The following NR2F1-AS1 variants were observed in gnomAD, a reference collection of about 807,000 sequenced individuals.
NR2F1-AS1 encodes NR2F1 regulatory antisense RNA 1.
chr5:93,486,179 G>T, intron 4 of NR2F1-AS1, among the ~76,000 whole-genome samples: 1 of 145,222 alleles, frequency 6.9e-6, no homozygotes. Context: ...CGAGTTAGTG[G>T]GTGCAGCGCA....
At chr5:93,474,752 T>C (rs1208264046) in intron 4 of NR2F1-AS1, among the ~76,000 whole-genome samples, 1 of 152,182 alleles carries the variant, frequency 6.6e-6, no homozygotes, top group African/African-American at 2.4e-5. Context: ...AATTACCTGC[T>C]AAAGGCCAAG....
chr5:93,513,525 T>C (rs550699582), intron 4 of NR2F1-AS1, among the ~76,000 whole-genome samples: 1 of 151,970 alleles, frequency 6.6e-6, no homozygotes, highest in Non-Finnish European at 1.5e-5. Flanking sequence ...AACATGGAGG[T>C]CATTATCCCA....
intron 1 of NR2F1-AS1, among the ~76,000 whole-genome samples, chr5:93,576,738 G>C (rs541345310): frequency 7.2e-5 from 11 of 152,204 alleles, no homozygotes; most frequent in Non-Finnish European, 1.6e-4. Context: ...ACTTCTGATG[G>C]GCTAATCCTG....
chr5:93,575,395 A>T (rs1195713931), intron 1 of NR2F1-AS1, among the ~76,000 whole-genome samples: 1 of 152,242 alleles, frequency 6.6e-6, no homozygotes, highest in Non-Finnish European at 1.5e-5. Flanking sequence ...TCCTAAGATA[A>T]TTCCTATTTC....
At chr5:93,569,191 A>T (rs190281357) in intron 1 of NR2F1-AS1, among the ~76,000 whole-genome samples, 81 of 152,316 alleles carry the variant, frequency 5.3e-4, no homozygotes, top group Admixed American at 2.7e-3. Flanking sequence ...TCTGGACCCT[A>T]AAATTTCCCA....
chr5:93,421,364 G>GT (rs1247644938), intron 4 of NR2F1-AS1, among the ~76,000 whole-genome samples: 1 of 145,146 alleles, frequency 6.9e-6, no homozygotes, highest in African/African-American at 2.6e-5. Flanking sequence ...ATTCTTTTGA[G>GT]TTAAAAAAAA....
intron 4 of NR2F1-AS1, among the ~76,000 whole-genome samples, chr5:93,471,939 C>T (rs1334044981): frequency 1.1e-4 from 17 of 151,664 alleles, no homozygotes; most frequent in Non-Finnish European, 1.8e-4. Context: ...ACAACAAAAC[C>T]GCTTGAAAAA....
chr5:93,532,326 T>C (rs1561486520), intron 4 of NR2F1-AS1, among the ~76,000 whole-genome samples: 1 of 152,206 alleles, frequency 6.6e-6, no homozygotes, highest in Non-Finnish European at 1.5e-5. Context: ...ATATATATTA[T>C]TTTGTTGCTT....
chr5:93,442,798 G>A (rs1028006052), intron 4 of NR2F1-AS1, among the ~76,000 whole-genome samples: 1 of 152,196 alleles, frequency 6.6e-6, no homozygotes, highest in East Asian at 1.9e-4. Context: ...CCCAGTAGGG[G>A]CCGACTGACA....
intron 2 of NR2F1-AS1, among the ~76,000 whole-genome samples, chr5:93,561,318 C>T (rs1315586248): frequency 6.6e-6 from 1 of 151,892 alleles, no homozygotes; most frequent in Admixed American, 6.6e-5. Context: ...ATATCAACAA[C>T]CCACTTCTCC....
chr5:93,426,170 C>T (rs1749191362), intron 4 of NR2F1-AS1, among the ~76,000 whole-genome samples: 1 of 151,476 alleles, frequency 6.6e-6, no homozygotes. Flanking sequence ...GCCTCAGCCT[C>T]CTGAGTAGCT....
intron 4 of NR2F1-AS1, among the ~76,000 whole-genome samples, chr5:93,544,505 C>A (rs1305865824): frequency 1.3e-5 from 2 of 152,124 alleles, no homozygotes; most frequent in Non-Finnish European, 2.9e-5. Flanking sequence ...TTTGAGTCCC[C>A]AGGCAGCATA....
chr5:93,466,915 G>GA (rs1271817758), intron 4 of NR2F1-AS1, among the ~76,000 whole-genome samples: 1 of 127,588 alleles, frequency 7.8e-6, no homozygotes, highest in Non-Finnish European at 1.7e-5. Flanking sequence ...GGGGGGGGGG[G>GA]GGGTGGACGG....
intron 4 of NR2F1-AS1, among the ~76,000 whole-genome samples, chr5:93,445,786 A>G (rs1321531070): frequency 6.6e-6 from 1 of 152,188 alleles, no homozygotes; most frequent in Non-Finnish European, 1.5e-5. Context: ...ATGAACATCA[A>G]TGCAAAAATC....
chr5:93,539,467 C>T (rs80018422), intron 4 of NR2F1-AS1, among the ~76,000 whole-genome samples: 2 of 152,006 alleles, frequency 1.3e-5, no homozygotes, highest in African/African-American at 4.8e-5. Flanking sequence ...CATGGATGAA[C>T]CTGGAGGACA....
At chr5:93,508,193 T>C (rs915736040) in intron 4 of NR2F1-AS1, among the ~76,000 whole-genome samples, 1 of 152,178 alleles carries the variant, frequency 6.6e-6, no homozygotes, top group Non-Finnish European at 1.5e-5. Flanking sequence ...TGGAACGATT[T>C]ATCCTAACAG....
chr5:93,452,928 T>C (rs1347508268), intron 4 of NR2F1-AS1, among the ~76,000 whole-genome samples: 1 of 150,442 alleles, frequency 6.6e-6, no homozygotes, highest in Non-Finnish European at 1.5e-5. Flanking sequence ...ATATCCAGCA[T>C]CTGTTCAAAA....
upstream of NR2F1-AS1, among the ~76,000 whole-genome samples, chr5:93,581,516 G>A (rs1448363838): frequency 6.6e-6 from 1 of 152,010 alleles, no homozygotes; most frequent in Non-Finnish European, 1.5e-5. Flanking sequence ...GGGGAGGAGG[G>A]ACTCGGCTGT....
At chr5:93,532,587 C>T (rs139467525) in intron 4 of NR2F1-AS1, among the ~76,000 whole-genome samples, 2 of 152,310 alleles carry the variant, frequency 1.3e-5, no homozygotes, top group Non-Finnish European at 2.9e-5. Flanking sequence ...ACCTGTGGCC[C>T]AGCTACCTCA....
Sources: gnomAD v4.1 joint callset for allele counts (sites outside exome capture counted in the v4.1 genomes callset) on GRCh38, gnomAD v4.1.1 for gene constraint, MANE v1.5 for transcripts, NCBI Gene and HGNC (gene_info 2026-07-23, HGNC 2026-07-21) for gene names.